The following AP2B1 variants were observed in gnomAD, a reference collection of about 807,000 sequenced individuals.
AP2B1 encodes the protein adaptor related protein complex 2 subunit beta 1.
Under a neutral mutation model 102.0 loss-of-function variants are expected in AP2B1, and 23 were observed. That is an observed-to-expected ratio of 0.23 (90% CI 0.16 to 0.32). The LOEUF (loss-of-function observed/expected upper bound fraction) is 0.32. Among genes scored for constraint, AP2B1 ranks in the 10% least tolerant of loss-of-function variants. AP2B1 has a pLI of 1.00. For synonymous variants in AP2B1, 381 were observed against 421.2 expected (o/e 0.90, Z 1.17); for missense variants, 541 against 1,157.4 (o/e 0.47, Z 7.73).
chr17:35,619,507 G>T (rs2074114734), intron 5 of AP2B1, among the ~76,000 whole-genome samples: 1 of 151,772 alleles, frequency 6.6e-6, no homozygotes, highest in Non-Finnish European at 1.5e-5. Flanking sequence ...ACAACCAGCA[G>T]ATTCCACAGG....
chr17:35,588,866 A>G (rs1408942309), intron 1 of AP2B1: 2 of 152,240 alleles, frequency 1.3e-5, no homozygotes, highest in African/African-American at 2.4e-5. Flanking sequence ...CTGTGTATGA[A>G]GAAACTCAAG....
rs1195026430 is a variant in AP2B1, at chr17:35,657,583, G to A, written c.1797-16G>A. On this transcript the variant is annotated splice_polypyrimidine_tract_variant and intron_variant, in intron 13 of 21. Transcript: ENST00000610402. ...GACTTTTCTCTTTTCTCCATTTTAT[G>A]TGTATGTGACTTTAGCACTGATGCA... The A allele has an allele frequency of 6.3e-7, 1 of 1,595,180 alleles. No homozygotes were observed. Among genetic ancestry groups the A allele is most frequent in the Non-Finnish European group, 8.6e-7 (1 of 1,167,656 alleles).
At chr17:35,699,085 G>T (rs992432602) in intron 18 of AP2B1, among the ~76,000 whole-genome samples, 8 of 152,236 alleles carry the variant, frequency 5.3e-5, no homozygotes, top group African/African-American at 1.9e-4. Flanking sequence ...TACAGGAGAA[G>T]TCATAGTATT....
intron 5 of AP2B1, among the ~76,000 whole-genome samples, chr17:35,622,495 T>A (rs1384528391): frequency 1.3e-5 from 2 of 152,244 alleles, no homozygotes; most frequent in East Asian, 3.8e-4. Flanking sequence ...GTAGTCATTA[T>A]GTTTCTTCCC....
intron 2 of AP2B1, among the ~76,000 whole-genome samples, chr17:35,596,391 A>T (rs1177419992): frequency 6.6e-6 from 1 of 152,046 alleles, no homozygotes; most frequent in African/African-American, 2.4e-5. Context: ...TTTTGGAACA[A>T]TTTTTTTGCC....
intron 3 of AP2B1, among the ~76,000 whole-genome samples, chr17:35,598,600 C>A (rs2073371908): frequency 6.6e-6 from 1 of 152,094 alleles, no homozygotes; most frequent in Non-Finnish European, 1.5e-5. Context: ...CATAACACCT[C>A]CTGAGAGCTG....
At chr17:35,645,453 A>G (rs2074904490) in intron 12 of AP2B1, among the ~76,000 whole-genome samples, 1 of 152,184 alleles carries the variant, frequency 6.6e-6, no homozygotes, top group East Asian at 1.9e-4. Context: ...AGTTAGGGGG[A>G]AAAACCCAAC....
chr17:35,642,775 C>G (rs1299398274), intron 12 of AP2B1, among the ~76,000 whole-genome samples: 3 of 152,324 alleles, frequency 2.0e-5, no homozygotes, highest in South Asian at 2.1e-4. Flanking sequence ...AAAACCCTTT[C>G]ACAGTACTTT....
At chr17:35,649,225 AAT>A (rs2075022256) in intron 12 of AP2B1, among the ~76,000 whole-genome samples, 1 of 152,176 alleles carries the variant, frequency 6.6e-6, no homozygotes. Flanking sequence ...TGGAAGATAT[AAT>A]ATATGTTATT....
At chr17:35,721,326 C>T (rs2085385334) in intron 21 of AP2B1, among the ~76,000 whole-genome samples, 1 of 152,168 alleles carries the variant, frequency 6.6e-6, no homozygotes, top group Non-Finnish European at 1.5e-5. Context: ...GACAGGGTGA[C>T]TCTTCTGCCC....
chr17:35,607,902 C>G (rs1287196300), intron 4 of AP2B1: 1 of 474,702 alleles, frequency 2.1e-6, no homozygotes, highest in South Asian at 2.3e-5. Context: ...TAGAGTGAAT[C>G]CTGCTGAGCT....
chr17:35,656,352 C>T (rs945347113), intron 13 of AP2B1, among the ~76,000 whole-genome samples: 5 of 152,146 alleles, frequency 3.3e-5, no homozygotes, highest in African/African-American at 9.7e-5. Flanking sequence ...TTTGTCCTAC[C>T]TAGTCCTTTT....
chr17:35,689,524 A>G (rs1409114705), intron 18 of AP2B1, among the ~76,000 whole-genome samples: 1 of 152,158 alleles, frequency 6.6e-6, no homozygotes, highest in Non-Finnish European at 1.5e-5. Flanking sequence ...TATTCTCACA[A>G]CTTAAAAAAT....
At chr17:35,657,315 A>C (rs1239324980) in intron 13 of AP2B1, among the ~76,000 whole-genome samples, 2 of 152,208 alleles carry the variant, frequency 1.3e-5, no homozygotes, top group African/African-American at 2.4e-5. Flanking sequence ...TTCTCCTTAC[A>C]GTGTTCCCTC....
At chr17:35,722,152 G>C (rs1383633903) in intron 21 of AP2B1, among the ~76,000 whole-genome samples, 2 of 152,178 alleles carry the variant, frequency 1.3e-5, no homozygotes, top group Admixed American at 6.5e-5. Context: ...GCTCAGGCAG[G>C]AGAATTGCTT....
chr17:35,662,070 C>G (rs932598879), intron 14 of AP2B1, among the ~76,000 whole-genome samples: 1 of 152,156 alleles, frequency 6.6e-6, no homozygotes, highest in Admixed American at 6.5e-5. Flanking sequence ...TAGTGACTCT[C>G]AACATTGGTG....
rs569351641 is a variant in AP2B1 at position 35,640,067 on chromosome 17, C to T, written c.1437+307C>T. Reference sequence around the variant, plus strand: ...AAGTAGCTGGGATTATAGGTGTGCACCACCACACCTGGCTAATTTTTATAT... The same window carrying T: ...AAGTAGCTGGGATTATAGGTGTGCATCACCACACCTGGCTAATTTTTATAT... On this transcript the variant is annotated intron_variant, in intron 11 of 21. Transcript: ENST00000610402. Among the ~76,000 whole-genome samples, 7 of 151,902 alleles carry T rather than the reference C, an allele frequency of 4.6e-5. No homozygotes were observed. The South Asian group carries it at 1.0e-3, about 23-fold the overall frequency.
intron 12 of AP2B1, among the ~76,000 whole-genome samples, chr17:35,645,565 A>G (rs968069827): frequency 2.0e-5 from 3 of 152,154 alleles, no homozygotes; most frequent in Non-Finnish European, 4.4e-5. Flanking sequence ...GAATACAAAC[A>G]AAGGCCGGGC....
chr17:35,680,235 ACGT>A (rs1293671045), intron 17 of AP2B1, among the ~76,000 whole-genome samples: 1 of 152,036 alleles, frequency 6.6e-6, no homozygotes, highest in East Asian at 1.9e-4. Context: ...AATTTTATAA[ACGT>A]CGTAGTCCCA....
Sources: gnomAD v4.1 joint callset for allele counts (sites outside exome capture counted in the v4.1 genomes callset) on GRCh38, gnomAD v4.1.1 for gene constraint, MANE v1.5 for transcripts, NCBI Gene and HGNC (gene_info 2026-07-23, HGNC 2026-07-21) for gene names.